The following HHAT variants were observed in gnomAD, a reference collection of about 807,000 sequenced individuals.
HHAT encodes the protein hedgehog acyltransferase, also known as protein-cysteine N-palmitoyltransferase HHAT.
In HHAT, 47 loss-of-function variants were observed where a neutral mutation model predicts 70.8. That is an observed-to-expected ratio of 0.66 (90% CI 0.53 to 0.85). HHAT has a LOEUF of 0.85. Among genes scored for constraint, HHAT ranks in the 40% least tolerant of loss-of-function variants. HHAT has a pLI of 0.00. For missense variants in HHAT, 609 were observed against 604.8 expected, an observed-to-expected ratio of 1.01 and a Z score of -0.07; for synonymous variants, 228 against 247.6, an observed-to-expected ratio of 0.92 and a Z score of 0.74.
At chr1:210,437,401 A>C (rs1296767631) in intron 7 of HHAT, among the ~76,000 whole-genome samples, 1 of 151,928 alleles carries the variant, frequency 6.6e-6, no homozygotes, top group East Asian at 1.9e-4. Flanking sequence ...AAGCAGATTC[A>C]CATCGAGAAT....
chr1:210,519,654 G>A (rs1452245360), intron 9 of HHAT, among the ~76,000 whole-genome samples: 1 of 150,722 alleles, frequency 6.6e-6, no homozygotes, highest in Non-Finnish European at 1.5e-5. Flanking sequence ...TAGCCTCCAG[G>A]TAGCTGGGGC....
chr1:210,581,898 TTGACTAGTAGCTGTG>T (rs1183506922), intron 9 of HHAT, among the ~76,000 whole-genome samples: 1 of 152,150 alleles, frequency 6.6e-6, no homozygotes, highest in Non-Finnish European at 1.5e-5. Context: ...TTAAGTACTG[TTGACTAGTAGCTGTG>T]TAACATACAC....
chr1:210,340,242 G>GGGGAAAAAAAAAAAAAAAAAA (rs1553313987), intron 1 of HHAT, among the ~76,000 whole-genome samples: 2 of 99,784 alleles, frequency 2.0e-5, no homozygotes, highest in African/African-American at 3.4e-5. Context: ...CTCTGTCTCA[G>GGGGAAAAAAAAAAAAAAAAAA]AAAAAAAAAA....
Position 210,509,619 on chromosome 1 carries a change from G to A in HHAT, c.1008-3534G>A, listed in dbSNP as rs117492888. 1.2e-4 allele frequency among the ~76,000 whole-genome samples: 19 copies of A among 152,306 alleles called. No individual in the cohort carries two copies. In the East Asian group the frequency reaches 1.9e-3, roughly 15 times the overall value. On this transcript the variant is annotated intron_variant, in intron 8 of 11. Transcript: ENST00000261458. ...TTGCAAAAATAATTGTATGTGTGTA[G>A]AATGGATGAGTGCCTGGCACATGCT...
In HHAT at chr1:210,564,211, C is replaced by T. The variant is rs1384950287; in HGVS notation, c.1044-23687C>T. On this transcript the variant is annotated intron_variant, in intron 9 of 11. Coordinates refer to ENST00000261458, the MANE Select transcript of HHAT (RefSeq NM_018194.6). ...CTCCTGACCTCAAGTGATCCGCCCACCTCAGCCTCCCAAAGTGCTGGGATT... is the reference window on the plus strand; with the variant it reads ...CTCCTGACCTCAAGTGATCCGCCCATCTCAGCCTCCCAAAGTGCTGGGATT... Among the ~76,000 whole-genome samples, 3 of 151,908 alleles carry T rather than the reference C, an allele frequency of 2.0e-5. No individual in the cohort carries two copies. In the East Asian group the frequency reaches 5.8e-4, roughly 29 times the overall value.
intron 7 of HHAT, among the ~76,000 whole-genome samples, chr1:210,453,639 T>C (rs1174545573): frequency 6.6e-6 from 1 of 152,188 alleles, no homozygotes. Context: ...ACTTCTTAGA[T>C]GCAGAAAATA....
chr1:210,480,176 G>A (rs758694323), intron 8 of HHAT, among the ~76,000 whole-genome samples: 2 of 152,112 alleles, frequency 1.3e-5, no homozygotes, highest in South Asian at 4.1e-4. Context: ...GGTAGAACAA[G>A]GTGTAGTCAC....
intron 1 of HHAT, among the ~76,000 whole-genome samples, chr1:210,339,133 AT>A (rs1448882020): frequency 6.6e-6 from 1 of 152,220 alleles, no homozygotes; most frequent in Non-Finnish European, 1.5e-5. Context: ...GTAGGCTGTT[AT>A]AAAAGGAATT....
In HHAT at chr1:210,623,554, G is replaced by A. The variant is rs777581246; in HGVS notation, c.1274G>A (p.Arg425His). The A allele has an allele frequency of 3.8e-5, 62 of 1,613,848 alleles. No homozygotes were observed. The highest frequency in any genetic ancestry group is 1.6e-4 in the Middle Eastern group (1 of 6,084). Reference sequence around the variant, plus strand: ...CGATACTTCTCCCCACAAGCTCGCCGTCGATTCCACGCTGCCCTTGCTTCT... The same window carrying A: ...CGATACTTCTCCCCACAAGCTCGCCATCGATTCCACGCTGCCCTTGCTTCT... ...LARYFSPQARRRFHAALASCS... is the reference protein window; with the variant it reads ...LARYFSPQARHRFHAALASCS... The change falls in exon 11 of 12, where the codon CGT becomes CAT. Residue 425 changes from arginine (R) to histidine (H), a missense_variant. Arg to His is a conservative substitution (Grantham distance 29). Transcript: ENST00000261458.
intron 2 of HHAT, among the ~76,000 whole-genome samples, chr1:210,361,336 G>A (rs990368173): frequency 3.9e-5 from 6 of 152,318 alleles, no homozygotes; most frequent in East Asian, 3.9e-4. Context: ...GTGCGTGCAC[G>A]CACACACAAT....
At chr1:210,409,083 C>T (rs1407807521) in intron 6 of HHAT, among the ~76,000 whole-genome samples, 1 of 152,142 alleles carries the variant, frequency 6.6e-6, no homozygotes, top group South Asian at 2.1e-4. Context: ...CCAGGCTGGT[C>T]TCAAACTCCT....
intron 10 of HHAT, among the ~76,000 whole-genome samples, chr1:210,622,697 C>T (rs1034894131): frequency 1.3e-5 from 2 of 152,148 alleles, no homozygotes; most frequent in African/African-American, 4.8e-5. Context: ...GCTCTGACTC[C>T]AGCAGTAGGC....
At chr1:210,397,538 G>C (rs2091857218) in intron 4 of HHAT, among the ~76,000 whole-genome samples, 1 of 145,572 alleles carries the variant, frequency 6.9e-6, no homozygotes, top group South Asian at 2.2e-4. Context: ...GTGTTGTTTT[G>C]GAACAAAATG....
At chr1:210,476,827 C>T (rs939099264) in intron 8 of HHAT, among the ~76,000 whole-genome samples, 2 of 152,150 alleles carry the variant, frequency 1.3e-5, no homozygotes, top group Non-Finnish European at 2.9e-5. Flanking sequence ...TCTTGGCTGC[C>T]AACTAAAACC....
At chr1:210,406,373 T>C (rs12071616) in intron 6 of HHAT, among the ~76,000 whole-genome samples, 5,686 of 151,220 alleles carry the variant, frequency 0.038, 334 homozygotes, top group African/African-American at 0.12. Context: ...AATAATTGTT[T>C]CTGTTATTTC....
chr1:210,547,019 G>GA (rs758757586), intron 9 of HHAT, among the ~76,000 whole-genome samples: 3 of 151,188 alleles, frequency 2.0e-5, no homozygotes, highest in Non-Finnish European at 4.4e-5. Context: ...GAGATGGGCT[G>GA]AAATGGAATA....
intron 9 of HHAT, among the ~76,000 whole-genome samples, chr1:210,538,529 T>A (rs1374773451): frequency 1.3e-5 from 2 of 152,108 alleles, no homozygotes; most frequent in Non-Finnish European, 2.9e-5. Flanking sequence ...AAAACAAGGA[T>A]GCAATCACAT....
Position 210,387,475 on chromosome 1 carries a change from C to A in HHAT, c.167C>A (p.Thr56Asn), listed in dbSNP as rs867091715. The part of the protein sequence containing the change: ...TLFGGLKKDA[T>N]DFEWSFWMEW... ...CTATTTTGTCCTATTTAGGATGCGA[C>A]CGACTTTGAGTGGAGCTTCTGGATG... Residue 56 changes from threonine to asparagine, a missense_variant, in exon 4 of 12, where the codon ACC becomes AAC. Coordinates refer to ENST00000261458, the MANE Select transcript of HHAT (RefSeq NM_018194.6). 42 of 1,613,806 alleles carry A rather than the reference C, an allele frequency of 2.6e-5. 3 individuals carry two copies. The Middle Eastern group carries it at 5.6e-3, about 215-fold the overall frequency.
intron 8 of HHAT, among the ~76,000 whole-genome samples, chr1:210,504,469 G>A (rs879448959): frequency 6.6e-6 from 1 of 152,312 alleles, no homozygotes; most frequent in Non-Finnish European, 1.5e-5. Flanking sequence ...ATGCTGTTAC[G>A]TGGTAGAGCC....
Sources: allele counts gnomAD v4.1 joint callset (sites outside exome capture counted in the v4.1 genomes callset), GRCh38; gene constraint gnomAD v4.1.1; transcripts MANE v1.5; gene names NCBI Gene and HGNC (gene_info 2026-07-23, HGNC 2026-07-21).